Variants in NECAB1 observed in about 807,000 individuals in gnomAD.
The protein encoded by NECAB1 is N-terminal EF-hand calcium binding protein 1.
A neutral mutation model predicts 57.5 loss-of-function variants in NECAB1; 29 were observed. The observed-to-expected ratio is 0.50, with a 90% CI of 0.38 to 0.69. NECAB1 has a LOEUF of 0.69. Among genes scored for constraint, NECAB1 ranks in the 30% least tolerant of loss-of-function variants. The probability of loss-of-function intolerance (pLI) is 0.00; values close to 1 mark genes in which losing one functional copy is unlikely to be tolerated. For synonymous variants in NECAB1, 142 were observed against 147.7 expected (o/e 0.96, Z 0.28); for missense variants, 372 against 413.8 (o/e 0.90, Z 0.88).
intron 1 of NECAB1, among the ~76,000 whole-genome samples, chr8:90,795,720 A>T (rs1315286068): frequency 6.6e-6 from 1 of 151,834 alleles, no homozygotes; most frequent in African/African-American, 2.4e-5. Flanking sequence ...ACACACACAC[A>T]CACACACACA....
chr8:90,812,991 A>T (rs1182309361), intron 2 of NECAB1: 1 of 152,154 alleles, frequency 6.6e-6, no homozygotes, highest in Non-Finnish European at 1.5e-5. Context: ...GTTTGAGACC[A>T]TCCTGGCTAA....
intron 5 of NECAB1, among the ~76,000 whole-genome samples, chr8:90,884,005 A>T (rs1808910285): frequency 6.6e-6 from 1 of 152,208 alleles, no homozygotes; most frequent in South Asian, 2.1e-4. Flanking sequence ...CCTGTTTATT[A>T]GTAGGGCTTA....
In NECAB1 at chr8:90,801,638, G is replaced by A. The variant is rs557847440; in HGVS notation, c.100-53G>A. ...TAAATTATGTGTAAGTGTAACGTTCGTTGCAATATTTATCTAAAATGCTGA... is the reference window on the plus strand; with the variant it reads ...TAAATTATGTGTAAGTGTAACGTTCATTGCAATATTTATCTAAAATGCTGA... On this transcript the variant is annotated intron_variant, in intron 1 of 12. Coordinates refer to ENST00000417640, the MANE Select transcript of NECAB1 (RefSeq NM_022351.5). The A allele has an allele frequency of 7.9e-5, 88 of 1,119,756 alleles. No individual in the cohort carries two copies. The East Asian group carries it at 1.3e-3, about 17-fold the overall frequency. 69.4% of individuals were successfully genotyped at this position (1,119,756 alleles called of 1,614,324 possible). A position where few individuals can be genotyped will look rare whatever the true frequency, so the allele number is the denominator to read the frequency against.
intron 2 of NECAB1, among the ~76,000 whole-genome samples, chr8:90,804,835 C>A (rs917490228): frequency 9.9e-5 from 15 of 152,210 alleles, no homozygotes; most frequent in African/African-American, 3.6e-4. Context: ...CACCTAGGAA[C>A]CTTATAAAGA....
chr8:90,925,550 G>A lies in NECAB1; in HGVS notation c.510G>A (p.Lys170=), dbSNP rs778610980. The change falls in exon 7 of 13, where the codon AAG becomes AAA. Residue 170 remains lysine (K), a synonymous_variant. Transcript: ENST00000417640. ...QTRQERQGPA[K]PEVLSIQWPG... ...GTTGATCAAGGCAAGGGCCAGCCAA[G>A]CCAGAAGTCCTGTCGATTCAATGGC... The A allele has an allele frequency of 1.9e-6, 3 of 1,612,838 alleles. No homozygotes were observed. Among genetic ancestry groups the A allele is most frequent in the East Asian group, 2.2e-5 (1 of 44,782 alleles).
At chr8:90,914,627 A>C (rs1298615236) in intron 5 of NECAB1, among the ~76,000 whole-genome samples, 1 of 152,188 alleles carries the variant, frequency 6.6e-6, no homozygotes, top group East Asian at 1.9e-4. Flanking sequence ...TGTTACCTAC[A>C]GAGTCACTAG....
At chr8:90,808,479 C>G (rs1034570154) in intron 2 of NECAB1, among the ~76,000 whole-genome samples, 1 of 152,106 alleles carries the variant, frequency 6.6e-6, no homozygotes, top group Admixed American at 6.5e-5. Flanking sequence ...CTTAATTTCC[C>G]CACCTGTGAA....
At chr8:90,800,774 A>G (rs1369319510) in intron 1 of NECAB1, among the ~76,000 whole-genome samples, 1 of 152,202 alleles carries the variant, frequency 6.6e-6, no homozygotes, top group Non-Finnish European at 1.5e-5. Context: ...ATGACCTGTC[A>G]TTCACTGGCC....
At chr8:90,917,365 C>A in intron 5 of NECAB1, 127 bp from the exon 6 acceptor site, 1 of 736,766 alleles carries the variant, frequency 1.4e-6, no homozygotes, top group Non-Finnish European at 2.0e-6. Context: ...CAGATCTTTT[C>A]CCTTCTCTCC....
intron 5 of NECAB1, among the ~76,000 whole-genome samples, chr8:90,898,051 C>T (rs1016326903): frequency 6.6e-5 from 10 of 152,160 alleles, no homozygotes; most frequent in African/African-American, 1.2e-4. Context: ...TACTTATAGC[C>T]TGTATCTTCT....
intron 2 of NECAB1, among the ~76,000 whole-genome samples, chr8:90,805,760 A>G (rs940620236): frequency 1.3e-5 from 2 of 152,262 alleles, no homozygotes; most frequent in African/African-American, 4.8e-5. Context: ...ATTGGGAAAT[A>G]AAGGTCAAAT....
At chr8:90,801,443 T>G (rs927493819) in intron 1 of NECAB1, among the ~76,000 whole-genome samples, 1 of 152,234 alleles carries the variant, frequency 6.6e-6, no homozygotes, top group African/African-American at 2.4e-5. Flanking sequence ...TCATTCATTT[T>G]TATTGCTCAG....
chr8:90,829,010 C>T (rs967779744), intron 3 of NECAB1, among the ~76,000 whole-genome samples: 5 of 151,922 alleles, frequency 3.3e-5, no homozygotes, highest in African/African-American at 9.7e-5. Context: ...TATTTCTGGG[C>T]CAAATATGCT....
At chr8:90,842,684 T>C (rs1459388521) in intron 3 of NECAB1, among the ~76,000 whole-genome samples, 1 of 152,276 alleles carries the variant, frequency 6.6e-6, no homozygotes, top group Non-Finnish European at 1.5e-5. Context: ...AGGCATTTTC[T>C]GTAACAACAC....
At chr8:90,906,912 T>TATATGTATATATATATATATATA (rs1554574099) in intron 5 of NECAB1, among the ~76,000 whole-genome samples, 1 of 143,856 alleles carries the variant, frequency 7.0e-6, no homozygotes, top group African/African-American at 2.6e-5. Context: ...TATATATATC[T>TATATGTATATATATATATATATA]TCTCACTTTA....
chr8:90,856,661 G>T (rs1812800490), intron 3 of NECAB1, among the ~76,000 whole-genome samples: 1 of 152,196 alleles, frequency 6.6e-6, no homozygotes, highest in South Asian at 2.1e-4. Context: ...ATGCACATGA[G>T]TGTGTTATTG....
Position 90,917,474 on chromosome 8 carries a change from T to C in NECAB1, c.358-18T>C, listed in dbSNP as rs1224928801. ...TTTTCTACCATACTTCTAATTGCAT[T>C]TGTTTTGTCACCCTTAGGACTACCA... On this transcript the variant is annotated intron_variant, in intron 5 of 12. Coordinates refer to ENST00000417640, the MANE Select transcript of NECAB1 (RefSeq NM_022351.5). 1 of 1,573,608 alleles carries C rather than the reference T, an allele frequency of 6.4e-7. No homozygotes were observed. The highest frequency in any genetic ancestry group is 8.6e-7 in the Non-Finnish European group (1 of 1,163,520).
chr8:90,906,901 A>ATGTATG (rs1809687825), intron 5 of NECAB1, among the ~76,000 whole-genome samples: 1 of 139,310 alleles, frequency 7.2e-6, no homozygotes, highest in African/African-American at 2.9e-5. Context: ...ATATATATAT[A>ATGTATG]TATATATATC....
At chr8:90,857,992 G>A (rs1563507616) in intron 3 of NECAB1, among the ~76,000 whole-genome samples, 1 of 152,054 alleles carries the variant, frequency 6.6e-6, no homozygotes, top group African/African-American at 2.4e-5. Context: ...AATTGTTATA[G>A]AAAGTCTTCT....
Sources: allele counts gnomAD v4.1 joint callset (sites outside exome capture counted in the v4.1 genomes callset), GRCh38; gene constraint gnomAD v4.1.1; transcripts MANE v1.5; gene names NCBI Gene and HGNC (gene_info 2026-07-23, HGNC 2026-07-21).